The following PCDHGA3 variants were observed in gnomAD, a reference collection of about 807,000 sequenced individuals.
The protein encoded by PCDHGA3 is protocadherin gamma-A3.
A neutral mutation model predicts 58.5 loss-of-function variants in PCDHGA3; 40 were observed. That is an observed-to-expected ratio of 0.68 (90% confidence interval 0.53 to 0.89). The LOEUF (loss-of-function observed/expected upper bound fraction) is 0.89. Among genes scored for constraint, PCDHGA3 ranks in the 40% least tolerant of loss-of-function variants. The probability of loss-of-function intolerance (pLI) is 0.00; values close to 1 mark genes in which losing one functional copy is unlikely to be tolerated. For synonymous variants in PCDHGA3, 530 were observed against 525.7 expected (o/e 1.01, Z -0.11); for missense variants, 1,223 against 1,195.9 (o/e 1.02, Z -0.33).
chr5:141,473,497 C>T (rs2099323546), intron 1 of PCDHGA3, among the ~76,000 whole-genome samples: 1 of 152,106 alleles, frequency 6.6e-6, no homozygotes, highest in Non-Finnish European at 1.5e-5. Context: ...ATAAGGTGTT[C>T]TGAGAGAGCA....
Position 141,486,178 on chromosome 5 carries a change from C to T in PCDHGA3, c.2425-8629C>T, listed in dbSNP as rs767840363. The T allele has an allele frequency of 1.1e-5, 17 of 1,614,076 alleles. No homozygotes were observed. The highest frequency in any genetic ancestry group is 1.4e-5 in the Non-Finnish European group (16 of 1,180,038). ...CTCCAGCCATGGAGCAACATTGCAG[C>T]CTTCGAGTGGATCTGCTGGACGTAA... On this transcript the variant is annotated intron_variant, in intron 1 of 3. Coordinates refer to ENST00000253812, the MANE Select transcript of PCDHGA3 (RefSeq NM_018916.4). The surrounding 1 kb of genome is among the most constrained non-coding windows in gnomAD (Gnocchi z 5.0).
intron 1 of PCDHGA3, chr5:141,362,031 G>A: frequency 6.2e-7 from 1 of 1,609,386 alleles, no homozygotes; most frequent in Non-Finnish European, 8.5e-7. Flanking sequence ...CGCGTGCCTT[G>A]GGCGACAGGG....
At chr5:141,384,532 A>T (rs766404100) in intron 1 of PCDHGA3, 1 of 1,614,238 alleles carries the variant, frequency 6.2e-7, no homozygotes, top group South Asian at 1.1e-5. Flanking sequence ...TCTCAGCAGC[A>T]ACATGTCACT....
At chr5:141,470,037 G>C (rs76537989) in intron 1 of PCDHGA3, among the ~76,000 whole-genome samples, 14 of 152,138 alleles carry the variant, frequency 9.2e-5, no homozygotes, top group Non-Finnish European at 1.5e-4. Flanking sequence ...GCTGAGGCGC[G>C]AGAACTGTTT....
chr5:141,507,101 T>C (rs1341285140), intron 3 of PCDHGA3: 2 of 152,204 alleles, frequency 1.3e-5, no homozygotes, highest in African/African-American at 2.4e-5. Flanking sequence ...CTTTCTACTA[T>C]AGGGACCATG....
chr5:141,408,299 A>C, intron 1 of PCDHGA3: 1 of 1,613,662 alleles, frequency 6.2e-7, no homozygotes, highest in Non-Finnish European at 8.5e-7. Context: ...GAGTGAGCCG[A>C]TCCGCTACTC....
At chr5:141,385,413 G>T in intron 1 of PCDHGA3, 1 of 1,472,024 alleles carries the variant, frequency 6.8e-7, no homozygotes, top group South Asian at 1.5e-5. Context: ...TGAAAATAGG[G>T]ATTTAAAAAA....
At chr5:141,372,457 TAC>T (rs774918013) in intron 1 of PCDHGA3, 3 of 1,614,052 alleles carry the variant, frequency 1.9e-6, no homozygotes, top group Non-Finnish European at 1.7e-6. Flanking sequence ...CAGGCGGAGC[TAC>T]AGTTTCACCT....
At chr5:141,419,331 T>G (rs2096361475) in intron 1 of PCDHGA3, 2 of 1,613,840 alleles carry the variant, frequency 1.2e-6, no homozygotes, top group Non-Finnish European at 8.5e-7. Flanking sequence ...TCCTACTCTC[T>G]CATTGCCAGC....
At chr5:141,390,285 A>T (rs1428739924) in intron 1 of PCDHGA3, 1 of 1,613,968 alleles carries the variant, frequency 6.2e-7, no homozygotes, top group Non-Finnish European at 8.5e-7. Flanking sequence ...CCATCAGGTG[A>T]GTTTCCTTTA....
chr5:141,473,655 G>A (rs2099326380), intron 1 of PCDHGA3, among the ~76,000 whole-genome samples: 1 of 152,182 alleles, frequency 6.6e-6, no homozygotes, highest in Non-Finnish European at 1.5e-5. Context: ...AACAATTTGT[G>A]TGAAGGCCCT....
At position 141,432,025 on chromosome 5, in the gene PCDHGA3, G is replaced by C. The variant is rs768627576; in HGVS notation, c.2425-62782G>C. 2 of 1,614,158 alleles carry C rather than the reference G, an allele frequency of 1.2e-6. No homozygotes were observed. The highest frequency in any genetic ancestry group is 3.3e-4 in the Middle Eastern group (2 of 6,062). ...AGGTTCCTAGCTACAACATCACAGTGACCGCCACTGACCGGGGAACCCCGC... is the reference window on the plus strand; with the variant it reads ...AGGTTCCTAGCTACAACATCACAGTCACCGCCACTGACCGGGGAACCCCGC... On this transcript the variant is annotated intron_variant, in intron 1 of 3. Transcript: ENST00000253812. The surrounding 1 kb of genome is among the most constrained non-coding windows in gnomAD (Gnocchi z 6.0).
At chr5:141,361,236 C>G (rs373083462) in intron 1 of PCDHGA3, 88 of 1,613,828 alleles carry the variant, frequency 5.5e-5, no homozygotes, top group Non-Finnish European at 7.2e-5. Flanking sequence ...CAGTGATCGC[C>G]TTGATAAAAA....
intron 1 of PCDHGA3, chr5:141,433,018 T>C: frequency 6.2e-7 from 1 of 1,614,120 alleles, no homozygotes. Flanking sequence ...TGCAGACCTA[T>C]TCCCACGAGG....
chr5:141,402,352 T>G (rs949706048), intron 1 of PCDHGA3, among the ~76,000 whole-genome samples: 1 of 151,978 alleles, frequency 6.6e-6, no homozygotes, highest in Non-Finnish European at 1.5e-5. Flanking sequence ...AAATTAAAAA[T>G]GAATGTACTT....
intron 1 of PCDHGA3, chr5:141,409,887 TGCTGTAC>T: frequency 6.2e-7 from 1 of 1,613,062 alleles, no homozygotes; most frequent in Non-Finnish European, 8.5e-7. Flanking sequence ...GCACCGCGGG[TGCTGTAC>T]CCAGCTCTGG....
At chr5:141,494,445 A>G (rs1424475551) in intron 1 of PCDHGA3, among the ~76,000 whole-genome samples, 1 of 152,158 alleles carries the variant, frequency 6.6e-6, no homozygotes, top group East Asian at 1.9e-4. Flanking sequence ...TTGCCACTTT[A>G]GGGGGCTTTG....
intron 1 of PCDHGA3, chr5:141,357,642 A>T: frequency 1.9e-6 from 3 of 1,611,524 alleles, no homozygotes; most frequent in Non-Finnish European, 2.5e-6. Context: ...CTTATAATAG[A>T]TCATACCACA....
chr5:141,426,768 G>A (rs2096959269), intron 1 of PCDHGA3: 1 of 456,516 alleles, frequency 2.2e-6, no homozygotes, highest in Non-Finnish European at 4.4e-6. Flanking sequence ...TGCAGATGTA[G>A]GGCCTCACTC....
Sources: gnomAD v4.1 joint callset for allele counts (sites outside exome capture counted in the v4.1 genomes callset) on GRCh38, gnomAD v4.1.1 for gene constraint, Gnocchi (gnomAD v3.1) non-coding constraint, MANE v1.5 for transcripts, NCBI Gene and HGNC (gene_info 2026-07-23, HGNC 2026-07-21) for gene names.